MYO19: variants seen among roughly 807,000 people sequenced by gnomAD.
MYO19 encodes myosin XIX.
MYO19 carries 132 observed loss-of-function variants against 129.2 expected under a neutral mutation model. The observed-to-expected ratio is 1.02, with a 90% CI of 0.89 to 1.18. The LOEUF (loss-of-function observed/expected upper bound fraction) is 1.18, where lower values mean the gene tolerates loss of function less well. MYO19 is among the 50% of genes most tolerant of loss of function. MYO19 has a pLI of 0.00. For synonymous variants in MYO19, 531 were observed against 477.2 expected (o/e 1.11, Z -1.47); for missense variants, 1,210 against 1,216.7 (o/e 0.99, Z 0.08).
At chr17:36,516,472 G>A (rs2072756445) in intron 6 of MYO19, among the ~76,000 whole-genome samples, 1 of 152,024 alleles carries the variant, frequency 6.6e-6, no homozygotes, top group South Asian at 2.1e-4. Flanking sequence ...CTGAGTTCAA[G>A]CGATTCTCCT....
At chr17:36,533,116 T>C (rs2073925018) in intron 2 of MYO19, 1 of 153,346 alleles carries the variant, frequency 6.5e-6, no homozygotes, top group Non-Finnish European at 1.5e-5. Context: ...ACTCACTGGG[T>C]GTGTGATCCT....
At chr17:36,541,289 G>A (rs1007176060) in intron 2 of MYO19, among the ~76,000 whole-genome samples, 3 of 152,140 alleles carry the variant, frequency 2.0e-5, no homozygotes, top group Non-Finnish European at 2.9e-5. Context: ...TCTACTACAC[G>A]TGCCCCAGTA....
intron 11 of MYO19, chr17:36,513,225 C>T: frequency 6.9e-7 from 1 of 1,448,888 alleles, no homozygotes; most frequent in Non-Finnish European, 9.0e-7. Flanking sequence ...GTGTATGCAT[C>T]ACTCTTCCTT....
At chr17:36,513,000 G>C (rs140343603) in intron 11 of MYO19, 5 of 858,824 alleles carry the variant, frequency 5.8e-6, no homozygotes, top group Non-Finnish European at 7.6e-6. Flanking sequence ...CCTTGGGCAC[G>C]TCACTTTACC....
chr17:36,510,457 C>T (rs1305392899), intron 13 of MYO19, among the ~76,000 whole-genome samples: 1 of 152,242 alleles, frequency 6.6e-6, no homozygotes, highest in Non-Finnish European at 1.5e-5. Context: ...AGCAGGTTCT[C>T]TTCACCTTGC....
At chr17:36,501,282 C>A (rs774179797) in intron 21 of MYO19, 47 bp from the exon 22 acceptor site, 15 of 1,557,642 alleles carry the variant, frequency 9.6e-6, no homozygotes, top group African/African-American at 1.4e-5. Flanking sequence ...TCTCTACATG[C>A]CTCTGTGGCC....
At chr17:36,524,496 A>G (rs1277165334) in intron 6 of MYO19, among the ~76,000 whole-genome samples, 2 of 152,196 alleles carry the variant, frequency 1.3e-5, no homozygotes, top group African/African-American at 4.8e-5. Context: ...GCCTTGGCCA[A>G]TAGTCTCCTT....
At position 36,503,947 on chromosome 17, in the gene MYO19, C is replaced by T. The variant is rs1187276084; in HGVS notation, c.1976+3G>A. ...GCACTGTGCCGTGATCGAGCCCACT[C>T]ACCGGATGGGGAAGCCAGCAGCACT... On this transcript the variant is annotated splice_donor_region_variant and intron_variant, in intron 20 of 25. Transcript: ENST00000614623. 1 of 1,588,350 alleles carries T rather than the reference C, an allele frequency of 6.3e-7. No individual in the cohort carries two copies. Among genetic ancestry groups the T allele is most frequent in the Non-Finnish European group, 8.6e-7 (1 of 1,168,530 alleles).
chr17:36,498,133 G>T, intron 25 of MYO19, 133 bp downstream of exon 25: 2 of 918,870 alleles, frequency 2.2e-6, no homozygotes, highest in Non-Finnish European at 3.2e-6. Context: ...GGGACATGCA[G>T]CCCTCTGGTT....
At chr17:36,514,727 C>T (rs1309077112) in intron 8 of MYO19, among the ~76,000 whole-genome samples, 179 bp from the exon 9 acceptor site, 1 of 152,222 alleles carries the variant, frequency 6.6e-6, no homozygotes. Flanking sequence ...CTGGAATATT[C>T]CCCTGCATCT....
At chr17:36,537,031 G>T (rs1032163111), upstream of MYO19, 135 of 1,388,012 alleles carry the variant, frequency 9.7e-5, no homozygotes, top group Non-Finnish European at 1.2e-4. Context: ...ATTAAGCCAG[G>T]TATGCTAATT....
At chr17:36,518,527 A>AATATATATATATATATAT (rs1555581707) in intron 6 of MYO19, among the ~76,000 whole-genome samples, 40 of 41,414 alleles carry the variant, frequency 9.7e-4, no homozygotes, top group African/African-American at 2.5e-3. Flanking sequence ...AAAAAAAAAA[A>AATATATATATATATATAT]ATATATATAT....
chr17:36,510,845 GT>G lies in MYO19; in HGVS notation c.1057del (p.Thr353ProfsTer30), dbSNP rs1215387969. Reference sequence around the variant, plus strand: ...CTGCTGCTGTCTGCCTGCCCTGATGGTTCTAATCTGCACCATCTCCAGCAGC... The same window carrying G: ...CTGCTGCTGTCTGCCTGCCCTGATGGTCTAATCTGCACCATCTCCAGCAGC... ...DVLLEMVQIR[T>X]IRAGRQQQVF... On this transcript the variant is annotated frameshift_variant, in exon 13 of 26. Transcript: ENST00000614623. LOFTEE classifies it high-confidence loss of function. The G allele has an allele frequency of 8.9e-6, 14 of 1,581,100 alleles. No individual in the cohort carries two copies. Among genetic ancestry groups the G allele is most frequent in the Non-Finnish European group, 1.2e-5 (14 of 1,163,562 alleles).
At chr17:36,518,527 A>AATATATATATATATATATATATAT (rs1555581707) in intron 6 of MYO19, among the ~76,000 whole-genome samples, 2 of 41,458 alleles carry the variant, frequency 4.8e-5, no homozygotes, top group African/African-American at 1.1e-4. Context: ...AAAAAAAAAA[A>AATATATATATATATATATATATAT]ATATATATAT....
chr17:36,497,158 C>T lies in MYO19; in HGVS notation c.2758-752G>A, dbSNP rs1488446826. ...CAGCCTGGCCAATATGGCGAAACCC[C>T]GTCTCTATTAAAAATACAAAAAAAA... On this transcript the variant is annotated intron_variant, in intron 25 of 25. Coordinates refer to ENST00000614623, the MANE Select transcript of MYO19 (RefSeq NM_001163735.2). Among the ~76,000 whole-genome samples, 12 of 147,896 alleles carry T rather than the reference C, an allele frequency of 8.1e-5. No homozygotes were observed. In the East Asian group the frequency reaches 1.4e-3, roughly 17 times the overall value.
intron 11 of MYO19, among the ~76,000 whole-genome samples, chr17:36,512,078 T>C (rs2072369607): frequency 6.6e-6 from 1 of 152,102 alleles, no homozygotes; most frequent in Admixed American, 6.5e-5. Flanking sequence ...CAGCTAGGCA[T>C]GGTGGCACAC....
At chr17:36,501,005 C>T in intron 22 of MYO19, 46 bp from the exon 23 acceptor site, 1 of 1,604,398 alleles carries the variant, frequency 6.2e-7, no homozygotes. Flanking sequence ...CTCCCCCTGC[C>T]CCCTCCTGCT....
intron 2 of MYO19, among the ~76,000 whole-genome samples, chr17:36,540,820 GTTA>G (rs1432724471): frequency 2.0e-5 from 3 of 152,142 alleles, no homozygotes; most frequent in South Asian, 2.1e-4. Flanking sequence ...TAAAACTGTG[GTTA>G]TTATAATGAA....
chr17:36,499,654 C>CTTTTTCTTTTTTT (rs1260911885), intron 23 of MYO19: 6 of 73,092 alleles, frequency 8.2e-5, no homozygotes, highest in African/African-American at 3.6e-4. Flanking sequence ...TATTCTTTTT[C>CTTTTTCTTTTTTT]TTTTTGTTTC....
Sources: allele counts gnomAD v4.1 joint callset (sites outside exome capture counted in the v4.1 genomes callset), GRCh38; gene constraint gnomAD v4.1.1; transcripts MANE v1.5; gene names NCBI Gene and HGNC (gene_info 2026-07-23, HGNC 2026-07-21).